Variants in ZNF423 observed in about 807,000 individuals in gnomAD.
ZNF423 encodes zinc finger protein 423.
Under a neutral mutation model 95.8 loss-of-function variants are expected in ZNF423, and 12 were observed. That is an observed-to-expected ratio of 0.13 (90% CI 0.08 to 0.20). The LOEUF (loss-of-function observed/expected upper bound fraction) is 0.20. Ranked by LOEUF, ZNF423 falls within the 10% of genes least tolerant of loss-of-function variation. ZNF423 has a pLI of 1.00. For missense variants in ZNF423, 1,316 were observed against 1,737.1 expected, an observed-to-expected ratio of 0.76 and a Z score of 4.31; for synonymous variants, 749 against 711.9, an observed-to-expected ratio of 1.05 and a Z score of -0.83.
At chr16:49,702,461 C>G (rs1188801661) in intron 3 of ZNF423, among the ~76,000 whole-genome samples, 5 of 152,186 alleles carry the variant, frequency 3.3e-5, no homozygotes, top group African/African-American at 4.8e-5. Context: ...GTATCCCTGC[C>G]GAGGGCTTTA....
chr16:49,536,459 TCTGGGACAGGG>T (rs1225151152), intron 5 of ZNF423, among the ~76,000 whole-genome samples: 1 of 151,488 alleles, frequency 6.6e-6, no homozygotes, highest in African/African-American at 2.4e-5. Flanking sequence ...TGGTTTTTTT[TCTGGGACAGGG>T]TCTCACTGTT....
chr16:49,808,452 G>A (rs1260297308), intron 1 of ZNF423, among the ~76,000 whole-genome samples: 1 of 152,174 alleles, frequency 6.6e-6, no homozygotes, highest in Non-Finnish European at 1.5e-5. Context: ...GAAGAAAAGA[G>A]AACCATTCAC....
At chr16:49,591,152 G>C (rs565043335) in intron 5 of ZNF423, among the ~76,000 whole-genome samples, 2 of 151,892 alleles carry the variant, frequency 1.3e-5, no homozygotes, top group African/African-American at 4.8e-5. Context: ...AGTACGGACA[G>C]TATAAGTCCA....
chr16:49,718,165 A>C (rs2032762327), intron 3 of ZNF423, among the ~76,000 whole-genome samples: 1 of 152,172 alleles, frequency 6.6e-6, no homozygotes, highest in African/African-American at 2.4e-5. Flanking sequence ...TCACACCTGT[A>C]ATCTCAGTAC....
intron 5 of ZNF423, among the ~76,000 whole-genome samples, chr16:49,597,766 A>G (rs530244390): frequency 9.8e-5 from 15 of 152,330 alleles, no homozygotes; most frequent in Admixed American, 9.8e-4. Flanking sequence ...ACAATCTGCA[A>G]GTCTACAGCT....
intron 5 of ZNF423, among the ~76,000 whole-genome samples, chr16:49,561,522 A>G (rs1036264917): frequency 2.6e-5 from 4 of 152,206 alleles, no homozygotes; most frequent in African/African-American, 9.7e-5. Context: ...TATGAAAACC[A>G]TGGATCTAAG....
chr16:49,814,888 A>T (rs1432464773), intron 1 of ZNF423, among the ~76,000 whole-genome samples: 1 of 152,096 alleles, frequency 6.6e-6, no homozygotes, highest in East Asian at 1.9e-4. Context: ...GACGGAGGCG[A>T]CAGGAGGCGG....
intron 7 of ZNF423, among the ~76,000 whole-genome samples, chr16:49,522,909 G>A (rs1439943247): frequency 1.3e-5 from 2 of 152,206 alleles, no homozygotes; most frequent in South Asian, 2.1e-4. Context: ...ACCAGTGGGA[G>A]AGAAAGCAGT....
intron 3 of ZNF423, among the ~76,000 whole-genome samples, chr16:49,642,801 C>CTTTTTTTTT (rs55662710): frequency 2.2e-5 from 2 of 91,544 alleles, no homozygotes; most frequent in Non-Finnish European, 4.2e-5. Flanking sequence ...GTTCTCTTTT[C>CTTTTTTTTT]TTTTTTTTTT....
chr16:49,815,526 T>C (rs1269017931), intron 1 of ZNF423, among the ~76,000 whole-genome samples: 1 of 151,914 alleles, frequency 6.6e-6, no homozygotes, highest in Non-Finnish European at 1.5e-5. Flanking sequence ...GTATGACGGG[T>C]GCCAAGTCAC....
chr16:49,649,357 T>G (rs1324678135), intron 3 of ZNF423, among the ~76,000 whole-genome samples: 1 of 152,156 alleles, frequency 6.6e-6, no homozygotes, highest in Non-Finnish European at 1.5e-5. Flanking sequence ...TAAGAGGCTT[T>G]GTAGCTCTTA....
chr16:49,789,468 C>G lies in ZNF423; in HGVS notation c.100+19G>C, dbSNP rs1314693742. 1 of 1,610,082 alleles carries G rather than the reference C, an allele frequency of 6.2e-7. No individual in the cohort carries two copies. The highest frequency in any genetic ancestry group is 8.5e-7 in the Non-Finnish European group (1 of 1,178,836). The stretch of plus-strand genomic sequence containing the variant: ...CCCAGGACCCCCTGCAACTCTTCCA[C>G]CAGCCCCCGGGCATTTACCTGCTGC... On this transcript the variant is annotated intron_variant, in intron 2 of 7. Transcript: ENST00000563137.
chr16:49,854,117 C>T, intron 1 of ZNF423: 2 of 985,366 alleles, frequency 2.0e-6, no homozygotes, highest in Non-Finnish European at 2.4e-6. Flanking sequence ...TGGAGTCTCT[C>T]TTCTGGTTTC....
At chr16:49,688,973 C>T (rs1447055775) in intron 3 of ZNF423, among the ~76,000 whole-genome samples, 1 of 152,206 alleles carries the variant, frequency 6.6e-6, no homozygotes, top group Non-Finnish European at 1.5e-5. Context: ...GAGCCACCTG[C>T]ACTACCCTGG....
At chr16:49,496,820 G>C (rs573503857) in intron 7 of ZNF423, among the ~76,000 whole-genome samples, 1 of 152,144 alleles carries the variant, frequency 6.6e-6, no homozygotes, top group Non-Finnish European at 1.5e-5. Context: ...GACCTGGCAG[G>C]GTGCTCCACG....
chr16:49,501,231 A>G (rs961593051), intron 7 of ZNF423, among the ~76,000 whole-genome samples: 3 of 152,192 alleles, frequency 2.0e-5, no homozygotes, highest in African/African-American at 7.2e-5. Context: ...GGTGCAAAGC[A>G]GTAAGACCCA....
chr16:49,778,555 C>A (rs907779326), intron 2 of ZNF423, among the ~76,000 whole-genome samples: 1 of 151,482 alleles, frequency 6.6e-6, no homozygotes, highest in African/African-American at 2.4e-5. Flanking sequence ...CCTGGCCTTC[C>A]CCACTTGGGA....
At chr16:49,712,899 G>T (rs971753009) in intron 3 of ZNF423, among the ~76,000 whole-genome samples, 1 of 152,206 alleles carries the variant, frequency 6.6e-6, no homozygotes, top group African/African-American at 2.4e-5. Flanking sequence ...GAATGACACC[G>T]TCGTGCAGGT....
At chr16:49,722,577 C>A (rs2032897159) in intron 3 of ZNF423, among the ~76,000 whole-genome samples, 1 of 152,180 alleles carries the variant, frequency 6.6e-6, no homozygotes, top group Non-Finnish European at 1.5e-5. Context: ...CTAAACTTAC[C>A]CTTCTGATTA....
Sources: allele counts gnomAD v4.1 joint callset (sites outside exome capture counted in the v4.1 genomes callset), GRCh38; gene constraint gnomAD v4.1.1; transcripts MANE v1.5; gene names NCBI Gene and HGNC (gene_info 2026-07-23, HGNC 2026-07-21).